GRID2: variants seen among roughly 807,000 people sequenced by gnomAD.
GRID2 encodes glutamate receptor ionotropic, delta-2.
Under a neutral mutation model 114.8 loss-of-function variants are expected in GRID2, and 33 were observed. The observed-to-expected ratio is 0.29, with a 90% CI of 0.22 to 0.38. The LOEUF (loss-of-function observed/expected upper bound fraction) is 0.38, where lower values mean the gene tolerates loss of function less well. Among genes scored for constraint, GRID2 ranks in the 10% least tolerant of loss-of-function variants. GRID2 has a pLI of 1.00. For synonymous variants in GRID2, 505 were observed against 449.9 expected (o/e 1.12, Z -1.55); for missense variants, 1,184 against 1,257.7 (o/e 0.94, Z 0.89).
intron 2 of GRID2, among the ~76,000 whole-genome samples, chr4:92,662,171 A>G (rs2149269814): frequency 6.6e-6 from 1 of 151,218 alleles, no homozygotes; most frequent in African/African-American, 2.4e-5. Context: ...TGCAATAGAT[A>G]GCCAAATCAG....
chr4:93,012,446 C>A (rs191191696), intron 2 of GRID2, among the ~76,000 whole-genome samples: 68 of 152,132 alleles, frequency 4.5e-4, no homozygotes, highest in African/African-American at 1.6e-3. Flanking sequence ...TATGAAAACA[C>A]CTGTACAACA....
chr4:92,423,988 C>G (rs965958096), intron 1 of GRID2, among the ~76,000 whole-genome samples: 1 of 152,194 alleles, frequency 6.6e-6, no homozygotes, highest in South Asian at 2.1e-4. Flanking sequence ...GGCTTCTATG[C>G]TCTTCAAGTA....
chr4:92,934,894 G>C (rs1407833993), intron 2 of GRID2, among the ~76,000 whole-genome samples: 1 of 146,630 alleles, frequency 6.8e-6, no homozygotes, highest in African/African-American at 2.4e-5. Flanking sequence ...AATTCAAGAT[G>C]GATTAAAGAC....
At chr4:92,581,636 A>G (rs1479845130) in intron 1 of GRID2, among the ~76,000 whole-genome samples, 1 of 152,098 alleles carries the variant, frequency 6.6e-6, no homozygotes, top group Non-Finnish European at 1.5e-5. Context: ...ATTTCACACT[A>G]TGAGCAAATG....
intron 1 of GRID2, among the ~76,000 whole-genome samples, chr4:92,441,835 G>A (rs1733105990): frequency 6.6e-6 from 1 of 151,918 alleles, no homozygotes; most frequent in Admixed American, 6.6e-5. Flanking sequence ...ACAAGAGGAG[G>A]ACGCAAAGGA....
chr4:92,404,441 T>A (rs2110287542), intron 1 of GRID2, among the ~76,000 whole-genome samples: 1 of 152,298 alleles, frequency 6.6e-6, no homozygotes, highest in African/African-American at 2.4e-5. Flanking sequence ...TTGGTGGGAA[T>A]GTAAATTAGT....
intron 14 of GRID2, among the ~76,000 whole-genome samples, chr4:93,730,755 A>G (rs1305390665): frequency 2.6e-5 from 4 of 152,198 alleles, no homozygotes; most frequent in African/African-American, 9.7e-5. Context: ...AGTAGGGACA[A>G]ATGTCAAGTT....
Position 92,802,363 on chromosome 4 carries a change from A to G in GRID2, c.244+212077A>G, listed in dbSNP as rs78569043. On this transcript the variant is annotated intron_variant, in intron 2 of 15. Transcript: ENST00000282020. ...GGTTTTATACATTCTAGTGGCTTTC[A>G]CAAAGGTATATAATGACATATATCC... 9.3e-3 allele frequency among the ~76,000 whole-genome samples: 1,407 copies of G among 152,032 alleles called. 22 individuals are homozygous for G. The highest frequency in any genetic ancestry group is 0.032 in the African/African-American group (1,318 of 41,512).
chr4:92,963,940 A>G (rs1752977269), intron 2 of GRID2, among the ~76,000 whole-genome samples: 1 of 151,984 alleles, frequency 6.6e-6, no homozygotes, highest in African/African-American at 2.4e-5. Flanking sequence ...GTGAATCTCG[A>G]TCAGAGCTCT....
chr4:92,419,202 G>A (rs1404626871), intron 1 of GRID2, among the ~76,000 whole-genome samples: 1 of 152,100 alleles, frequency 6.6e-6, no homozygotes, highest in Non-Finnish European at 1.5e-5. Context: ...CAGTAATAAA[G>A]CTTACACTTC....
At chr4:92,396,946 T>C (rs1000351880) in intron 1 of GRID2, among the ~76,000 whole-genome samples, 55 of 152,100 alleles carry the variant, frequency 3.6e-4, no homozygotes, top group African/African-American at 1.3e-3. Context: ...CAAACTGCTG[T>C]CCACTTTTAT....
At chr4:93,746,739 A>G (rs765683313) in intron 14 of GRID2, among the ~76,000 whole-genome samples, 3 of 152,136 alleles carry the variant, frequency 2.0e-5, no homozygotes, top group Non-Finnish European at 2.9e-5. Flanking sequence ...AAAGTAGCAT[A>G]TTCTTTTAAG....
At chr4:92,751,364 G>A (rs2149338958) in intron 2 of GRID2, among the ~76,000 whole-genome samples, 1 of 152,092 alleles carries the variant, frequency 6.6e-6, no homozygotes, top group Non-Finnish European at 1.5e-5. Context: ...TCAGCTATAA[G>A]GCAATAATCA....
chr4:92,734,056 C>T (rs1024608173), intron 2 of GRID2, among the ~76,000 whole-genome samples: 1 of 151,984 alleles, frequency 6.6e-6, no homozygotes, highest in Non-Finnish European at 1.5e-5. Flanking sequence ...AGTCTTGTTG[C>T]AGTGTTGTTT....
chr4:92,619,761 G>A (rs1730176854), intron 2 of GRID2, among the ~76,000 whole-genome samples: 1 of 149,802 alleles, frequency 6.7e-6, no homozygotes, highest in African/African-American at 2.4e-5. Flanking sequence ...TTTCCAATTT[G>A]TTGTATGTCT....
intron 2 of GRID2, among the ~76,000 whole-genome samples, chr4:92,748,583 G>A (rs1350497519): frequency 6.6e-6 from 1 of 151,032 alleles, no homozygotes; most frequent in Non-Finnish European, 1.5e-5. Context: ...CAAGTCTTGA[G>A]GTTCACCTCC....
chr4:92,498,433 G>C (rs904150581), intron 1 of GRID2, among the ~76,000 whole-genome samples: 3 of 151,754 alleles, frequency 2.0e-5, no homozygotes, highest in Non-Finnish European at 4.4e-5. Flanking sequence ...TCAATTAAAG[G>C]CATTTATATT....
intron 8 of GRID2, among the ~76,000 whole-genome samples, chr4:93,256,602 GTACT>G (rs1290066563): frequency 3.3e-5 from 5 of 151,638 alleles, no homozygotes; most frequent in Non-Finnish European, 7.4e-5. Context: ...AAGGTTTTGA[GTACT>G]TACTATTGGT....
intron 2 of GRID2, among the ~76,000 whole-genome samples, chr4:93,000,807 T>C (rs910159635): frequency 6.4e-5 from 1 of 15,526 alleles, no homozygotes; most frequent in Non-Finnish European, 1.3e-4. Context: ...GACTCTAAAA[T>C]TGGGGAGGGT....
Sources: allele counts gnomAD v4.1 joint callset (sites outside exome capture counted in the v4.1 genomes callset), GRCh38; gene constraint gnomAD v4.1.1; transcripts MANE v1.5; gene names NCBI Gene and HGNC (gene_info 2026-07-23, HGNC 2026-07-21).